The following EVI5 variants were observed in gnomAD, a reference collection of about 807,000 sequenced individuals.
EVI5 encodes the protein ecotropic viral integration site 5 protein homolog.
In EVI5, 73 loss-of-function variants were observed where a neutral mutation model predicts 112.0. The ratio of observed to expected loss-of-function variants is 0.65; its 90% confidence interval spans 0.54 to 0.79. The LOEUF (loss-of-function observed/expected upper bound fraction) is 0.79, where lower values mean the gene tolerates loss of function less well. EVI5 is among the 30% of genes least tolerant of loss of function. EVI5 has a pLI of 0.00. For synonymous variants in EVI5, 305 were observed against 319.9 expected (o/e 0.95, Z 0.50); for missense variants, 900 against 968.8 (o/e 0.93, Z 0.94).
chr1:92,784,296 A>T, intron 1 of EVI5: 2 of 985,216 alleles, frequency 2.0e-6, no homozygotes, highest in Non-Finnish European at 2.4e-6. Context: ...CACTAGTCAT[A>T]AGGTGATTCA....
At chr1:92,517,689 A>C (rs966165320) in intron 19 of EVI5, among the ~76,000 whole-genome samples, 1 of 152,160 alleles carries the variant, frequency 6.6e-6, no homozygotes, top group Admixed American at 6.5e-5. Flanking sequence ...GTTTTCTGCA[A>C]CTTTCTTCTT....
intron 9 of EVI5, among the ~76,000 whole-genome samples, chr1:92,684,774 A>C (rs984631235): frequency 6.6e-6 from 1 of 152,286 alleles, no homozygotes; most frequent in Admixed American, 6.5e-5. Context: ...GATAAAACAA[A>C]CTTTAAACCA....
At chr1:92,561,608 C>CCTATCTAT (rs80355191) in intron 19 of EVI5, among the ~76,000 whole-genome samples, 1,893 of 132,100 alleles carry the variant, frequency 0.014, 31 homozygotes, top group East Asian at 0.034. Context: ...TCTAATCTAT[C>CCTATCTAT]CTATCTATCT....
At chr1:92,781,384 G>A (rs1007195643) in intron 1 of EVI5, among the ~76,000 whole-genome samples, 2 of 151,828 alleles carry the variant, frequency 1.3e-5, no homozygotes, top group African/African-American at 2.4e-5. Context: ...GCATATGCCT[G>A]TAGTCGTAGT....
intron 2 of EVI5, among the ~76,000 whole-genome samples, chr1:92,711,106 A>C (rs1428358481): frequency 1.3e-5 from 2 of 152,136 alleles, no homozygotes; most frequent in Non-Finnish European, 2.9e-5. Flanking sequence ...ACAGCCCCCC[A>C]AAAAGGCTTA....
intron 16 of EVI5, among the ~76,000 whole-genome samples, chr1:92,621,630 T>C (rs1398351188): frequency 2.0e-5 from 3 of 152,164 alleles, no homozygotes; most frequent in East Asian, 1.9e-4. Flanking sequence ...TATAGCTTTA[T>C]TGAGATACAG....
chr1:92,661,043 C>A (rs1287675148), intron 13 of EVI5, among the ~76,000 whole-genome samples: 1 of 151,808 alleles, frequency 6.6e-6, no homozygotes, highest in Non-Finnish European at 1.5e-5. Flanking sequence ...ACAAAACTGT[C>A]TTTGAGTATA....
At chr1:92,541,810 T>G (rs1213170195) in intron 19 of EVI5, among the ~76,000 whole-genome samples, 1 of 152,258 alleles carries the variant, frequency 6.6e-6, no homozygotes, top group Non-Finnish European at 1.5e-5. Context: ...ATCTTTACAT[T>G]ATACTGTAGT....
At chr1:92,715,936 G>A (rs1673585123) in intron 2 of EVI5, among the ~76,000 whole-genome samples, 2 of 152,062 alleles carry the variant, frequency 1.3e-5, no homozygotes, top group Admixed American at 1.3e-4. Flanking sequence ...TGAGGCTTGA[G>A]TAGGTAAACA....
chr1:92,768,602 G>A (rs560196971), intron 1 of EVI5, among the ~76,000 whole-genome samples: 1 of 152,234 alleles, frequency 6.6e-6, no homozygotes, highest in East Asian at 1.9e-4. Flanking sequence ...TGGGTGTGGT[G>A]ACTGACTGAC....
At position 92,510,259 on chromosome 1, in the gene EVI5, G is replaced by C. The variant is rs994341839; in HGVS notation, c.*3397C>G. 6.6e-6 allele frequency: 1 copy of C among 152,240 alleles called. No homozygotes were observed. Among genetic ancestry groups the C allele is most frequent in the East Asian group, 1.9e-4 (1 of 5,182 alleles). 9.4% of individuals were successfully genotyped at this position (152,240 alleles called of 1,614,324 possible). On this transcript the variant is annotated 3_prime_UTR_variant, in exon 20 of 20. Coordinates refer to ENST00000684568, the MANE Select transcript of EVI5 (RefSeq NM_001350197.2). ...ATTCTAGAAAATTTCTTATCTTAAAGTCAAACTATAACCTTTACTCAATAA... is the reference window on the plus strand; with the variant it reads ...ATTCTAGAAAATTTCTTATCTTAAACTCAAACTATAACCTTTACTCAATAA...
At chr1:92,617,548 C>T (rs186428439) in intron 16 of EVI5, among the ~76,000 whole-genome samples, 1 of 152,226 alleles carries the variant, frequency 6.6e-6, no homozygotes, top group East Asian at 1.9e-4. Context: ...CATCGTCGCC[C>T]AATAAGCCCA....
intron 2 of EVI5, among the ~76,000 whole-genome samples, chr1:92,727,749 C>T (rs1384854675): frequency 6.6e-6 from 1 of 152,038 alleles, no homozygotes; most frequent in African/African-American, 2.4e-5. Context: ...GGTATGATGG[C>T]TCACACATGT....
intron 1 of EVI5, among the ~76,000 whole-genome samples, chr1:92,751,013 G>T (rs1457986212): frequency 6.6e-6 from 1 of 152,168 alleles, no homozygotes; most frequent in African/African-American, 2.4e-5. Flanking sequence ...AGCCAGGCAT[G>T]GTGGCGGGCA....
At chr1:92,759,292 A>G (rs1346500067) in intron 1 of EVI5, among the ~76,000 whole-genome samples, 1 of 152,218 alleles carries the variant, frequency 6.6e-6, no homozygotes, top group Non-Finnish European at 1.5e-5. Flanking sequence ...GGAAAAAAAG[A>G]AAACCAAGAA....
At chr1:92,729,783 TATTTTCC>T (rs1304491107) in intron 2 of EVI5, among the ~76,000 whole-genome samples, 1 of 152,334 alleles carries the variant, frequency 6.6e-6, no homozygotes, top group Admixed American at 6.5e-5. Context: ...TTTTAAAATG[TATTTTCC>T]ATCTGTGGTT....
At chr1:92,711,870 T>C (rs1672897390) in intron 2 of EVI5, among the ~76,000 whole-genome samples, 1 of 152,160 alleles carries the variant, frequency 6.6e-6, no homozygotes, top group South Asian at 2.1e-4. Flanking sequence ...ACAACAGAAA[T>C]TTATTGCTCA....
intron 2 of EVI5, among the ~76,000 whole-genome samples, chr1:92,706,698 T>TA (rs368601281): frequency 5.7e-4 from 87 of 152,328 alleles, no homozygotes; most frequent in African/African-American, 2.0e-3. Flanking sequence ...TAGAGAAGAT[T>TA]AAGCAGTTAA....
At chr1:92,749,291 T>C (rs1679827142) in intron 1 of EVI5, 3 of 313,110 alleles carry the variant, frequency 9.6e-6, no homozygotes, top group Middle Eastern at 6.9e-4. Context: ...GTACCAGCCA[T>C]GGTATAGAGC....
Sources: gnomAD v4.1 joint callset for allele counts (sites outside exome capture counted in the v4.1 genomes callset) on GRCh38, gnomAD v4.1.1 for gene constraint, MANE v1.5 for transcripts, NCBI Gene and HGNC (gene_info 2026-07-23, HGNC 2026-07-21) for gene names.